Variants in YWHAG observed in about 807,000 individuals in gnomAD.
YWHAG encodes the protein 14-3-3 protein gamma.
A neutral mutation model predicts 23.3 loss-of-function variants in YWHAG; 1 was observed. That is an observed-to-expected ratio of 0.04 (90% confidence interval 0.02 to 0.20). YWHAG has a LOEUF of 0.20. Among genes scored for constraint, YWHAG ranks in the 10% least tolerant of loss-of-function variants. The pLI, the probability that YWHAG is intolerant of heterozygous loss-of-function variation, is 1.00. For synonymous variants in YWHAG, 160 were observed against 144.0 expected (o/e 1.11, Z -0.80); for missense variants, 151 against 338.6 (o/e 0.45, Z 4.35).
rs1008695798 is a variant in YWHAG at position 76,328,732 on chromosome 7, G to A, written c.*845C>T. The A allele has an allele frequency of 2.0e-5, 3 of 151,562 alleles. No homozygotes were observed. The highest frequency in any genetic ancestry group is 2.9e-5 in the Non-Finnish European group (2 of 67,962). 9.4% of individuals were successfully genotyped at this position (151,562 alleles called of 1,614,324 possible). ...CCTGAATTTTCTCTATTTTTGTGGC[G>A]TTTCACGTTTCTCTCAAGAGGATTA... On this transcript the variant is annotated 3_prime_UTR_variant, in exon 2 of 2. Transcript: ENST00000307630.
rs185326248 is a variant in YWHAG at position 76,352,536 on chromosome 7, T to C, written c.87+6186A>G. Among the ~76,000 whole-genome samples, 919 of 152,290 alleles carry C rather than the reference T, an allele frequency of 6.0e-3. 7 individuals carry two copies. The highest frequency in any genetic ancestry group is 0.012 in the South Asian group (56 of 4,832). On this transcript the variant is annotated intron_variant, in intron 1 of 1. Coordinates refer to ENST00000307630, the MANE Select transcript of YWHAG (RefSeq NM_012479.4). ...TGGGCTTTCTCTCTCCAAAGACAGG[T>C]ACCCTTCCAAAGGTTAAGAAGCCCA...
chr7:76,351,352 T>C (rs888763606), intron 1 of YWHAG, among the ~76,000 whole-genome samples: 1 of 151,150 alleles, frequency 6.6e-6, no homozygotes, highest in Non-Finnish European at 1.5e-5. Context: ...GTTCGTATTC[T>C]CCTCTCCTGT....
At chr7:76,341,304 TGA>T (rs1803689923) in intron 1 of YWHAG, among the ~76,000 whole-genome samples, 1 of 145,420 alleles carries the variant, frequency 6.9e-6, no homozygotes. Flanking sequence ...CTCAGGAGGC[TGA>T]GACACGAGAA....
chr7:76,334,902 G>C (rs370425565), intron 1 of YWHAG, among the ~76,000 whole-genome samples: 1 of 152,026 alleles, frequency 6.6e-6, no homozygotes, highest in African/African-American at 2.4e-5. Flanking sequence ...TTCTACGAAT[G>C]CAACACTTGT....
rs1406511649 is a variant in YWHAG, at chr7:76,327,646, T to G, written c.*1931A>C. ...CTGCTCACTGGACATGAAGATAAATTAGGGAAAGCCCCACCTACCCTGCCC... is the reference window on the plus strand; with the variant it reads ...CTGCTCACTGGACATGAAGATAAATGAGGGAAAGCCCCACCTACCCTGCCC... On this transcript the variant is annotated 3_prime_UTR_variant, in exon 2 of 2. Transcript: ENST00000307630. The G allele has an allele frequency of 7.7e-6, 1 of 130,302 alleles. No individual in the cohort carries two copies. Among genetic ancestry groups the G allele is most frequent in the African/African-American group, 3.2e-5 (1 of 30,908 alleles). The allele number at this position is 130,302 out of a possible 1,614,324, so 8.1% of individuals were successfully genotyped here. A position where few individuals can be genotyped will look rare whatever the true frequency, so the allele number is the denominator to read the frequency against.
chr7:76,346,364 G>A (rs1803779639), intron 1 of YWHAG, among the ~76,000 whole-genome samples: 1 of 152,170 alleles, frequency 6.6e-6, no homozygotes, highest in African/African-American at 2.4e-5. Flanking sequence ...CAACACACAT[G>A]GATACAAAGC....
chr7:76,339,789 TTTC>T (rs1478227011), intron 1 of YWHAG, among the ~76,000 whole-genome samples: 1 of 152,026 alleles, frequency 6.6e-6, no homozygotes, highest in African/African-American at 2.4e-5. Flanking sequence ...CTCTTATGCT[TTTC>T]TTAATAATAT....
intron 1 of YWHAG, among the ~76,000 whole-genome samples, chr7:76,346,655 C>T (rs1351813526): frequency 6.6e-6 from 1 of 152,176 alleles, no homozygotes; most frequent in Non-Finnish European, 1.5e-5. Flanking sequence ...CCAACCTGCC[C>T]TTGCCGTTCT....
chr7:76,343,674 C>T (rs190700691), intron 1 of YWHAG, among the ~76,000 whole-genome samples: 2 of 152,156 alleles, frequency 1.3e-5, no homozygotes, highest in Non-Finnish European at 2.9e-5. Flanking sequence ...ATCTCTCTAC[C>T]TCCATAATCT....
chr7:76,357,529 T>C (rs540332623), intron 1 of YWHAG, among the ~76,000 whole-genome samples: 15 of 152,246 alleles, frequency 9.9e-5, no homozygotes, highest in African/African-American at 3.1e-4. Context: ...GACAGCCCAT[T>C]AGATAAATGT....
At chr7:76,351,475 T>C (rs915252669) in intron 1 of YWHAG, among the ~76,000 whole-genome samples, 9 of 152,166 alleles carry the variant, frequency 5.9e-5, no homozygotes, top group Admixed American at 1.3e-4. Flanking sequence ...TTGAAAATAA[T>C]AACATCTATT....
At chr7:76,348,447 A>T (rs1803820375) in intron 1 of YWHAG, among the ~76,000 whole-genome samples, 1 of 141,512 alleles carries the variant, frequency 7.1e-6, no homozygotes. Context: ...TTTTTGAGAC[A>T]GTCTCACTCT....
intron 1 of YWHAG, among the ~76,000 whole-genome samples, chr7:76,355,636 G>A (rs528504217): frequency 5.5e-4 from 83 of 152,264 alleles, no homozygotes; most frequent in Non-Finnish European, 1.0e-3. Flanking sequence ...AAGAGCCTGG[G>A]GGGGAGGGGG....
At chr7:76,344,473 A>C (rs1013826368) in intron 1 of YWHAG, among the ~76,000 whole-genome samples, 3 of 152,190 alleles carry the variant, frequency 2.0e-5, no homozygotes, top group Non-Finnish European at 2.9e-5. Flanking sequence ...GAAAAAATCC[A>C]GATATACTAT....
chr7:76,355,894 T>C (rs1236917466), intron 1 of YWHAG, among the ~76,000 whole-genome samples: 2 of 152,220 alleles, frequency 1.3e-5, no homozygotes, highest in African/African-American at 4.8e-5. Flanking sequence ...CAGTATTGTC[T>C]AATACGTAGG....
intron 1 of YWHAG, among the ~76,000 whole-genome samples, chr7:76,346,190 T>C (rs1803777124): frequency 6.6e-6 from 1 of 152,204 alleles, no homozygotes; most frequent in African/African-American, 2.4e-5. Flanking sequence ...CATCTAACCC[T>C]GATGACCGCT....
intron 1 of YWHAG, among the ~76,000 whole-genome samples, chr7:76,333,075 C>T (rs191689745): frequency 1.3e-5 from 2 of 152,278 alleles, no homozygotes; most frequent in East Asian, 3.9e-4. Flanking sequence ...GGGCTTCAAG[C>T]AATCCTACCT....
At chr7:76,353,577 A>G (rs1290736528) in intron 1 of YWHAG, among the ~76,000 whole-genome samples, 1 of 152,228 alleles carries the variant, frequency 6.6e-6, no homozygotes, top group Non-Finnish European at 1.5e-5. Context: ...AAATTCATTT[A>G]GCAAAATATC....
chr7:76,354,457 G>A (rs1803921305), intron 1 of YWHAG, among the ~76,000 whole-genome samples: 1 of 151,890 alleles, frequency 6.6e-6, no homozygotes, highest in South Asian at 2.1e-4. Flanking sequence ...GTTGCGGTGA[G>A]CCGAGATACC....
Sources: gnomAD v4.1 joint callset for allele counts (sites outside exome capture counted in the v4.1 genomes callset) on GRCh38, gnomAD v4.1.1 for gene constraint, MANE v1.5 for transcripts, NCBI Gene and HGNC (gene_info 2026-07-23, HGNC 2026-07-21) for gene names.